Variants in ICE1 observed in about 807,000 individuals in gnomAD.
The protein encoded by ICE1 is little elongation complex subunit 1.
Under a neutral mutation model 192.7 loss-of-function variants are expected in ICE1, and 64 were observed. The observed-to-expected ratio is 0.33, with a 90% CI of 0.27 to 0.41. The LOEUF (loss-of-function observed/expected upper bound fraction) is 0.41. ICE1 is among the 10% of genes least tolerant of loss of function. The probability of loss-of-function intolerance (pLI) is 1.00; values close to 1 mark genes in which losing one functional copy is unlikely to be tolerated. For missense variants in ICE1, 2,708 were observed against 2,696.0 expected, an observed-to-expected ratio of 1.00 and a Z score of -0.10; for synonymous variants, 1,010 against 984.5, an observed-to-expected ratio of 1.03 and a Z score of -0.49.
At chr5:5,473,946 C>G (rs2111397222) in intron 16 of ICE1, among the ~76,000 whole-genome samples, 198 bp downstream of exon 16, 1 of 152,202 alleles carries the variant, frequency 6.6e-6, no homozygotes, top group East Asian at 1.9e-4. Flanking sequence ...CATGGTGGCT[C>G]ACGCCTGTAA....
intron 15 of ICE1, among the ~76,000 whole-genome samples, chr5:5,471,439 T>C (rs1186030643): frequency 6.6e-6 from 1 of 152,086 alleles, no homozygotes; most frequent in Non-Finnish European, 1.5e-5. Flanking sequence ...TGAGGAAAAA[T>C]TGAAAGCCTT....
At chr5:5,481,753 T>A (rs1258068402) in intron 17 of ICE1, among the ~76,000 whole-genome samples, 4 of 152,236 alleles carry the variant, frequency 2.6e-5, no homozygotes, top group African/African-American at 9.6e-5. Flanking sequence ...GATAATACCT[T>A]GTTTTCCTGT....
At chr5:5,437,237 G>A (rs1737895459) in intron 3 of ICE1, 123 bp downstream of exon 3, 5 of 671,596 alleles carry the variant, frequency 7.4e-6, no homozygotes, top group Middle Eastern at 4.9e-4. Flanking sequence ...GCTTCAGTAG[G>A]GAGCATGTCT....
intron 4 of ICE1, 71 bp from the exon 5 acceptor site, chr5:5,441,041 A>C (rs1340149269): frequency 5.3e-6 from 5 of 950,018 alleles, no homozygotes; most frequent in Non-Finnish European, 6.2e-6. Flanking sequence ...AAAATCTGAA[A>C]TTATAAGCAC....
intron 16 of ICE1, among the ~76,000 whole-genome samples, chr5:5,474,152 G>A (rs1739245642): frequency 6.6e-6 from 1 of 151,642 alleles, no homozygotes; most frequent in Non-Finnish European, 1.5e-5. Flanking sequence ...AGAGCTTGCA[G>A]TGAGCGGAGA....
chr5:5,479,906 CAG>C (rs772555852), intron 17 of ICE1, among the ~76,000 whole-genome samples: 44 of 151,738 alleles, frequency 2.9e-4, no homozygotes, highest in South Asian at 4.2e-4. Context: ...CACATGGACA[CAG>C]GGGAACATCA....
At chr5:5,483,125 G>T (rs1289672342) in intron 17 of ICE1, among the ~76,000 whole-genome samples, 8 of 151,964 alleles carry the variant, frequency 5.3e-5, no homozygotes, top group Non-Finnish European at 1.2e-4. Flanking sequence ...CGAGTAGCTG[G>T]GATTACAGGC....
chr5:5,471,935 T>A (rs1349572783), intron 15 of ICE1, among the ~76,000 whole-genome samples: 3 of 152,106 alleles, frequency 2.0e-5, no homozygotes, highest in Non-Finnish European at 2.9e-5. Flanking sequence ...ACTTCCTGGT[T>A]TAAATTACTG....
chr5:5,481,302 T>C (rs1739497969), intron 17 of ICE1, among the ~76,000 whole-genome samples: 1 of 152,214 alleles, frequency 6.6e-6, no homozygotes, highest in African/African-American at 2.4e-5. Flanking sequence ...TTTTTTGTTC[T>C]TGTTTTACTG....
At chr5:5,469,966 G>A (rs1055331502) in intron 15 of ICE1, among the ~76,000 whole-genome samples, 2 of 152,046 alleles carry the variant, frequency 1.3e-5, no homozygotes, top group Non-Finnish European at 2.9e-5. Context: ...GCCAGCTTCC[G>A]GAGAGTTACC....
intron 1 of ICE1, among the ~76,000 whole-genome samples, chr5:5,424,331 C>G (rs770921456): frequency 6.6e-6 from 1 of 152,120 alleles, no homozygotes; most frequent in African/African-American, 2.4e-5. Context: ...ACTAACAGAT[C>G]ATTGCCTTCA....
At chr5:5,486,268 C>T (rs1739636706) in intron 17 of ICE1, among the ~76,000 whole-genome samples, 1 of 152,208 alleles carries the variant, frequency 6.6e-6, no homozygotes, top group Non-Finnish European at 1.5e-5. Flanking sequence ...GTTTGATCTG[C>T]TGTGGCTTTT....
chr5:5,476,079 G>A lies in ICE1; in HGVS notation c.6520G>A (p.Gly2174Ser). 1 of 1,523,750 alleles carries A rather than the reference G, an allele frequency of 6.6e-7. No individual in the cohort carries two copies. Among genetic ancestry groups the A allele is most frequent in the Non-Finnish European group, 8.9e-7 (1 of 1,118,346 alleles). 94.4% of individuals were successfully genotyped at this position (1,523,750 alleles called of 1,614,324 possible). A position where few individuals can be genotyped will look rare whatever the true frequency, so the allele number is the denominator to read the frequency against. The change falls in exon 17 of 19, where the codon GGT becomes AGT. Residue 2174 changes from glycine (G) to serine (S), a missense_variant and splice_region_variant. Coordinates refer to ENST00000296564, the MANE Select transcript of ICE1 (RefSeq NM_015325.3). ...IIIASILRLI[G>S]RLGQLGLKEG... ...TATAGCCTCAATACTGAGGCTGATT[G>A]GTAAGTTGTCTGTTTTATTATTGTT...
At chr5:5,432,219 T>G (rs1322889359) in intron 1 of ICE1, among the ~76,000 whole-genome samples, 1 of 152,208 alleles carries the variant, frequency 6.6e-6, no homozygotes, top group Non-Finnish European at 1.5e-5. Context: ...TCCTCCAGTC[T>G]CTGGCAGCCA....
intron 5 of ICE1, among the ~76,000 whole-genome samples, chr5:5,442,787 G>A (rs1031297002): frequency 8.5e-5 from 13 of 152,150 alleles, no homozygotes; most frequent in African/African-American, 3.1e-4. Context: ...TTATCATTAA[G>A]TATAATGATT....
In ICE1 at chr5:5,461,768, G is replaced by T; in HGVS notation, c.2434G>T (p.Glu812Ter). 1 of 1,613,810 alleles carries T rather than the reference G, an allele frequency of 6.2e-7. No homozygotes were observed. The highest frequency in any genetic ancestry group is 1.1e-5 in the South Asian group (1 of 91,044). The change falls in exon 13 of 19, where the codon GAA becomes TAA. Residue 812 changes from glutamate to a stop codon, truncating the protein, a stop_gained. Coordinates refer to ENST00000296564, the MANE Select transcript of ICE1 (RefSeq NM_015325.3). LOFTEE classifies it high-confidence loss of function. Reference protein sequence around the residue: ...EESLRAKSEHEQKTSHQLQKA... With the variant: ...EESLRAKSEH ...AAGTCTGAGAGCCAAATCAGAACATGAACAGAAGACTAGCCATCAGTTACA... is the reference window on the plus strand; with the variant it reads ...AAGTCTGAGAGCCAAATCAGAACATTAACAGAAGACTAGCCATCAGTTACA...
chr5:5,445,265 G>T (rs757810347), intron 7 of ICE1, among the ~76,000 whole-genome samples: 3 of 152,106 alleles, frequency 2.0e-5, no homozygotes, highest in Non-Finnish European at 4.4e-5. Context: ...TAAATATTTC[G>T]GTAACAATTT....
chr5:5,455,953 T>C (rs1738569550), intron 11 of ICE1, among the ~76,000 whole-genome samples: 1 of 152,130 alleles, frequency 6.6e-6, no homozygotes, highest in South Asian at 2.1e-4. Flanking sequence ...AGTCCAAAAG[T>C]TCCTGTTTTT....
intron 17 of ICE1, 113 bp from the exon 18 acceptor site, chr5:5,486,608 G>A (rs1739644696): frequency 7.3e-6 from 5 of 681,224 alleles, no homozygotes; most frequent in Middle Eastern, 4.1e-4. Context: ...ATTGCAAGAC[G>A]AAATGATGAG....
Sources: allele counts gnomAD v4.1 joint callset (sites outside exome capture counted in the v4.1 genomes callset), GRCh38; gene constraint gnomAD v4.1.1; transcripts MANE v1.5; gene names NCBI Gene and HGNC (gene_info 2026-07-23, HGNC 2026-07-21).